The following LGI2 variants were observed in gnomAD, a reference collection of about 807,000 sequenced individuals.
The protein encoded by LGI2 is leucine rich repeat LGI family member 2.
In LGI2, 30 loss-of-function variants were observed where a neutral mutation model predicts 52.0. The ratio of observed to expected loss-of-function variants is 0.58; its 90% CI spans 0.43 to 0.78. The LOEUF is 0.78. LGI2 is among the 30% of genes least tolerant of loss of function. LGI2 has a pLI of 0.00. For missense variants in LGI2, 573 were observed against 692.5 expected (o/e 0.83, Z 1.94); for synonymous variants, 270 against 271.8 (o/e 0.99, Z 0.06).
At chr4:24,995,071 T>C (rs1725028575), downstream of LGI2, among the ~76,000 whole-genome samples, 2 of 152,240 alleles carry the variant, frequency 1.3e-5, no homozygotes, top group African/African-American at 4.8e-5. Flanking sequence ...TTCTTTTTAA[T>C]TTCAGTACAA....
rs185121730 is a variant in LGI2, at chr4:25,020,395, G to C, written c.414-1157C>G. ...CTGTCATCATCCTGTGAAGATGAAT[G>C]TCCACGGTGCAGGGCTGTTGATGTA... On this transcript the variant is annotated intron_variant, in intron 4 of 7. Transcript: ENST00000382114. Among the ~76,000 whole-genome samples the C allele has an allele frequency of 8.0e-4, 122 of 152,314 alleles. 2 individuals carry two copies. Among genetic ancestry groups the C allele is most frequent in the Admixed American group, 1.9e-3 (29 of 15,300 alleles).
At chr4:25,029,913 C>A (rs964211466) in intron 1 of LGI2, among the ~76,000 whole-genome samples, 10 of 152,216 alleles carry the variant, frequency 6.6e-5, no homozygotes, top group African/African-American at 2.2e-4. Flanking sequence ...AGCCTGCATG[C>A]CTTGACCTCG....
chr4:25,022,294 G>A (rs916422469), intron 4 of LGI2, among the ~76,000 whole-genome samples: 1 of 152,188 alleles, frequency 6.6e-6, no homozygotes, highest in African/African-American at 2.4e-5. Context: ...GAAAGAAAAG[G>A]CAGATGAGAG....
the LGI2 span, among the ~76,000 whole-genome samples, chr4:24,993,305 C>T: frequency 1.3e-5 from 2 of 152,146 alleles, no homozygotes; most frequent in Non-Finnish European, 2.9e-5. Context: ...AGCTGTGTGA[C>T]CCGGGGAAGC....
chr4:25,007,382 G>A (rs183646148), intron 7 of LGI2, among the ~76,000 whole-genome samples: 48 of 152,284 alleles, frequency 3.2e-4, no homozygotes, highest in African/African-American at 1.0e-3. Context: ...TTTCCACCCT[G>A]CCAGCACTAA....
At chr4:25,030,093 C>G (rs927660940) in intron 1 of LGI2, among the ~76,000 whole-genome samples, 3 of 151,436 alleles carry the variant, frequency 2.0e-5, no homozygotes, top group Non-Finnish European at 4.4e-5. Flanking sequence ...AACCCGCAAA[C>G]ACACACACAC....
chr4:24,994,469 A>G (rs1037239096), downstream of LGI2, among the ~76,000 whole-genome samples: 3 of 152,174 alleles, frequency 2.0e-5, no homozygotes, highest in African/African-American at 7.2e-5. Flanking sequence ...ACAAGTCTGC[A>G]GGCCTCACTC....
Position 25,021,914 on chromosome 4 carries a change from G to A in LGI2, c.414-2676C>T, listed in dbSNP as rs114617691. Among the ~76,000 whole-genome samples, 1,239 of 131,170 alleles carry A rather than the reference G, an allele frequency of 9.4e-3. 23 individuals carry two copies. Among genetic ancestry groups the A allele is most frequent in the African/African-American group, 0.035 (1,151 of 33,100 alleles). 86.1% of individuals were successfully genotyped at this position (131,170 alleles called of 152,430 possible). A position where few individuals can be genotyped will look rare whatever the true frequency, so the allele number is the denominator to read the frequency against. The stretch of plus-strand genomic sequence containing the variant: ...CCACTGCACTCCAGCCTAGGTAGCA[G>A]AGAGAGATTCCATCTCAAAAAAAAA... On this transcript the variant is annotated intron_variant, in intron 4 of 7. Coordinates refer to ENST00000382114, the MANE Select transcript of LGI2 (RefSeq NM_018176.4).
At chr4:25,013,694 A>C (rs1419499247) in intron 6 of LGI2, among the ~76,000 whole-genome samples, 1 of 152,170 alleles carries the variant, frequency 6.6e-6, no homozygotes, top group African/African-American at 2.4e-5. Flanking sequence ...TGCAAGGTAC[A>C]TGTAAGTATA....
chr4:25,023,068 T>TTGATAA (rs1553872617), intron 4 of LGI2, among the ~76,000 whole-genome samples: 1 of 151,032 alleles, frequency 6.6e-6, no homozygotes, highest in Non-Finnish European at 1.5e-5. Context: ...TATGTTGATG[T>TTGATAA]TGATGATGAT....
chr4:24,995,587 A>T (rs1420892812), downstream of LGI2, among the ~76,000 whole-genome samples: 6 of 152,160 alleles, frequency 3.9e-5, no homozygotes, highest in Non-Finnish European at 8.8e-5. Flanking sequence ...TGTTCAGAGC[A>T]TGGTGGCTGG....
chr4:25,017,371 G>T (rs966391048), intron 6 of LGI2, among the ~76,000 whole-genome samples: 2 of 151,470 alleles, frequency 1.3e-5, no homozygotes, highest in Non-Finnish European at 2.9e-5. Flanking sequence ...GTGAAACCCC[G>T]TCTCTACTAA....
At chr4:25,007,415 C>T (rs573851006) in intron 7 of LGI2, among the ~76,000 whole-genome samples, 1 of 152,106 alleles carries the variant, frequency 6.6e-6, no homozygotes, top group Non-Finnish European at 1.5e-5. Context: ...GCTCCTCGTC[C>T]CCTTCTTGAG....
At position 25,001,791 on chromosome 4, in the gene LGI2, T is replaced by A. The variant is rs1467445076; in HGVS notation, c.*1660A>T. On this transcript the variant is annotated 3_prime_UTR_variant, in exon 8 of 8. Coordinates refer to ENST00000382114, the MANE Select transcript of LGI2 (RefSeq NM_018176.4). ...TGCTTCATTCTCTGAGTGCTATTTA[T>A]TGTCTCAATCTTCATTGCTTAAAGT... The A allele has an allele frequency of 2.7e-5, 4 of 148,394 alleles. No individual in the cohort carries two copies. Among genetic ancestry groups the A allele is most frequent in the Non-Finnish European group, 4.4e-5 (3 of 67,464 alleles). 9.2% of individuals were successfully genotyped at this position (148,394 alleles called of 1,614,324 possible).
chr4:24,994,689 G>C (rs1211086907), downstream of LGI2, among the ~76,000 whole-genome samples: 1 of 152,148 alleles, frequency 6.6e-6, no homozygotes, highest in Non-Finnish European at 1.5e-5. Context: ...CAGATAATAA[G>C]CTGTGGTCTC....
chr4:25,006,056 G>A (rs1211302298), intron 7 of LGI2, among the ~76,000 whole-genome samples: 2 of 152,246 alleles, frequency 1.3e-5, no homozygotes, highest in African/African-American at 4.8e-5. Context: ...TTGAACAATT[G>A]AAGCAATTGT....
In LGI2 at chr4:25,004,630, A is replaced by T. The variant is rs1252685608; in HGVS notation, c.821-362T>A. Among the ~76,000 whole-genome samples the T allele has an allele frequency of 6.6e-6, 1 of 152,154 alleles. No homozygotes were observed. Among genetic ancestry groups the T allele is most frequent in the Non-Finnish European group, 1.5e-5 (1 of 68,012 alleles). On this transcript the variant is annotated intron_variant, in intron 7 of 7. Coordinates refer to ENST00000382114, the MANE Select transcript of LGI2 (RefSeq NM_018176.4). This position sits in a 1 kb window ranked among gnomAD's most constrained non-coding sequence, Gnocchi z 4.6. ...GGTCATGGGAGCAGAGTCCTCAGGAATGGGATTAGTGCCTTCCAACTCCCT... is the reference window on the plus strand; with the variant it reads ...GGTCATGGGAGCAGAGTCCTCAGGATTGGGATTAGTGCCTTCCAACTCCCT...
In LGI2 at chr4:25,003,724, C is replaced by A. The variant is rs202090313; in HGVS notation, c.1365G>T (p.Glu455Asp). 1.9e-6 allele frequency: 3 copies of A among 1,614,200 alleles called. No individual in the cohort carries two copies. Among genetic ancestry groups the A allele is most frequent in the Non-Finnish European group, 2.5e-6 (3 of 1,180,038 alleles). Reference protein sequence around the residue: ...VMRWNSKQFVEIQALPSRGAM... With the variant: ...VMRWNSKQFVDIQALPSRGAM... ...CCCCCCGGGATGGAAGAGCTTGGAT[C>A]TCCACAAACTGCTTACTGTTCCACC... The change falls in exon 8 of 8, where the codon GAG becomes GAT. Residue 455 changes from glutamate to aspartate, a missense_variant. Physicochemically the swap from Glu to Asp is conservative, Grantham distance 45. Transcript: ENST00000382114.
downstream of LGI2, among the ~76,000 whole-genome samples, chr4:24,996,727 A>C (rs1725094878): frequency 6.6e-6 from 1 of 152,248 alleles, no homozygotes; most frequent in South Asian, 2.1e-4. Context: ...GGTGCTCATC[A>C]GGACCCTGCA....
Sources: allele counts gnomAD v4.1 joint callset (sites outside exome capture counted in the v4.1 genomes callset), GRCh38; gene constraint gnomAD v4.1.1; non-coding constraint Gnocchi (gnomAD v3.1); transcripts MANE v1.5; gene names NCBI Gene and HGNC (gene_info 2026-07-23, HGNC 2026-07-21).